CFAP410: variants seen among roughly 807,000 people sequenced by gnomAD.
CFAP410 encodes cilia and flagella associated protein 410.
Under a neutral mutation model 25.7 loss-of-function variants are expected in CFAP410, and 27 were observed. The observed-to-expected ratio is 1.05, with a 90% CI of 0.77 to 1.45. CFAP410 has a LOEUF of 1.45. Among genes scored for constraint, CFAP410 ranks in the 40% most tolerant of loss-of-function variants. The pLI is 0.00. For missense variants in CFAP410, 428 were observed against 354.1 expected, an observed-to-expected ratio of 1.21 and a Z score of -1.67; for synonymous variants, 178 against 158.4, an observed-to-expected ratio of 1.12 and a Z score of -0.93.
At chr21:44,338,310 C>T in intron 1 of CFAP410, 3 of 1,289,378 alleles carry the variant, frequency 2.3e-6, no homozygotes, top group Non-Finnish European at 3.0e-6. Context: ...ACGGTGAGGC[C>T]AGTTGACACG....
rs1459081038 is a variant in CFAP410, at chr21:44,333,050, T to C, written c.356A>G (p.Gln119Arg). The stretch of plus-strand genomic sequence containing the variant: ...CCACCTACCCTGGTTGTCCAGCTTC[T>C]GTAGGCGCGGCAGGGTGCGCAGCAC... The part of the protein sequence containing the change: ...MTVLRTLPRL[Q>R]KLDNQAVTEE... Residue 119 changes from glutamine to arginine, a missense_variant, in exon 4 of 7, where the codon CAG (glutamine) becomes CGG (arginine). Physicochemically the swap from Gln to Arg is conservative, Grantham distance 43 (BLOSUM62 1). Transcript: ENST00000339818. 1 of 1,594,940 alleles carries C rather than the reference T, an allele frequency of 6.3e-7. No homozygotes were observed.
chr21:44,337,591 G>A, intron 2 of CFAP410, 58 bp downstream of exon 2: 1 of 1,496,338 alleles, frequency 6.7e-7, no homozygotes, highest in Non-Finnish European at 9.2e-7. Flanking sequence ...ACAACATTTG[G>A]GTTGAGGCTA....
At chr21:44,337,198 C>T (rs918947677) in intron 2 of CFAP410, among the ~76,000 whole-genome samples, 1 of 152,072 alleles carries the variant, frequency 6.6e-6, no homozygotes, top group Non-Finnish European at 1.5e-5. Context: ...CACAGACGCA[C>T]ACACTCAAGT....
At chr21:44,338,252 AC>A in intron 1 of CFAP410, 1 of 1,262,692 alleles carries the variant, frequency 7.9e-7, no homozygotes, top group Non-Finnish European at 1.0e-6. Context: ...GTCTGCGGAC[AC>A]CCCTGGGAGG....
In CFAP410 at chr21:44,339,117, C is replaced by G. The variant is rs745732992; in HGVS notation, c.77+1G>C. The G allele has an allele frequency of 1.4e-6, 2 of 1,454,834 alleles. No individual in the cohort carries two copies. The highest frequency in any genetic ancestry group is 2.7e-5 in the South Asian group (2 of 73,812). 90.1% of individuals were successfully genotyped at this position (1,454,834 alleles called of 1,614,324 possible). On this transcript the variant is annotated splice_donor_variant, in intron 1 of 6. Transcript: ENST00000339818. LOFTEE classifies it high-confidence loss of function. The stretch of plus-strand genomic sequence containing the variant: ...GCGGCCGCGGCCAGGCCCCGCCTCA[C>G]CAGCAGTTGAGCTTGCGCACGCTGT...
chr21:44,333,859 C>T (rs1424217145), intron 3 of CFAP410: 2 of 354,090 alleles, frequency 5.6e-6, no homozygotes, highest in Non-Finnish European at 5.6e-6. Context: ...CACGCGGAGC[C>T]GCTCCCGCAG....
At chr21:44,334,069 A>G (rs1296581234) in intron 3 of CFAP410, 1 of 455,478 alleles carries the variant, frequency 2.2e-6, no homozygotes, top group South Asian at 1.5e-5. Flanking sequence ...ACCAAGAGCA[A>G]AACTCCGGCT....
chr21:44,333,059 G>T lies in CFAP410; in HGVS notation c.347C>A (p.Pro116Gln). Residue 116 changes from proline (P) to glutamine (Q), a missense_variant, in exon 4 of 7, where the codon CCG becomes CAG. Coordinates refer to ENST00000339818, the MANE Select transcript of CFAP410 (RefSeq NM_004928.3). ...RYRMTVLRTLPRLQKLDNQAV... is the reference protein window; with the variant it reads ...RYRMTVLRTLQRLQKLDNQAV... The stretch of plus-strand genomic sequence containing the variant: ...CTGGTTGTCCAGCTTCTGTAGGCGC[G>T]GCAGGGTGCGCAGCACGGTCATGCG... 6.3e-7 allele frequency: 1 copy of T among 1,599,646 alleles called. No individual in the cohort carries two copies. Among genetic ancestry groups the T allele is most frequent in the Non-Finnish European group, 8.5e-7 (1 of 1,170,748 alleles).
In CFAP410 at chr21:44,339,128, G is replaced by C; in HGVS notation, c.67C>G (p.Leu23Val). ...CAGGCCCCGCCTCACCAGCAGTTGA[G>C]CTTGCGCACGCTGTGCAGCTCCGAG... ...KASELHSVRK[L>V]NCWGSRLTDI... Residue 23 changes from leucine to valine, a missense_variant, in exon 1 of 7, where the codon CTC becomes GTC. By Grantham distance (32) the Leu-to-Val change is conservative. Transcript: ENST00000339818. 1 of 1,457,532 alleles carries C rather than the reference G, an allele frequency of 6.9e-7. No homozygotes were observed. The highest frequency in any genetic ancestry group is 9.1e-7 in the Non-Finnish European group (1 of 1,099,334). The allele number at this position is 1,457,532 out of a possible 1,614,324, so 90.3% of individuals were successfully genotyped here.
intron 6 of CFAP410, chr21:44,330,600 G>A (rs921549893): frequency 9.7e-6 from 15 of 1,549,592 alleles, no homozygotes; most frequent in Admixed American, 7.9e-5. Flanking sequence ...AGGAGAGGCT[G>A]AGGGGCCAGG....
In CFAP410 at chr21:44,330,855, C is replaced by T; in HGVS notation, c.610G>A (p.Ala204Thr). The T allele has an allele frequency of 6.2e-7, 1 of 1,606,442 alleles. No homozygotes were observed. The highest frequency in any genetic ancestry group is 8.5e-7 in the Non-Finnish European group (1 of 1,176,548). The change falls in exon 6 of 7, where the codon GCC becomes ACC. Residue 204 changes from alanine (A) to threonine (T), a missense_variant. Physicochemically the swap from Ala to Thr is moderately conservative, Grantham distance 58. Coordinates refer to ENST00000339818, the MANE Select transcript of CFAP410 (RefSeq NM_004928.3). ...CTGTGGCTGCTCGAGGCATCCCTGG[C>T]TGAGAGGGAAGGAAACTGGCCCCGG... ...PSRGQFPSLS[A>T]RDASSSHRGR... is the part of the protein sequence containing the mutation.
Position 44,335,805 on chromosome 21 carries a change from C to T in CFAP410, c.97-1G>A. 1 of 1,586,934 alleles carries T rather than the reference C, an allele frequency of 6.3e-7. No homozygotes were observed. The stretch of plus-strand genomic sequence containing the variant: ...TGGGCATCTCCTGGCAAATGGAGAT[C>T]TAGGAGGAAAAGAACATGACTAGCA... On this transcript the variant is annotated splice_acceptor_variant, in intron 2 of 6. Transcript: ENST00000339818. LOFTEE classifies it high-confidence loss of function.
In CFAP410 at chr21:44,331,106, A is replaced by C. The variant is rs538229905; in HGVS notation, c.546-187T>G. ...GGGCTACAGATGGCAGCTCCTGGAG[A>C]GCCCGGCACTTACTTCACCTGTGGG... On this transcript the variant is annotated intron_variant, in intron 5 of 6. Coordinates refer to ENST00000339818, the MANE Select transcript of CFAP410 (RefSeq NM_004928.3). The C allele has an allele frequency of 1.8e-4, 108 of 613,732 alleles. No individual in the cohort carries two copies. The South Asian group carries it at 2.2e-3, about 12-fold the overall frequency. 38.0% of individuals were successfully genotyped at this position (613,732 alleles called of 1,614,324 possible).
At chr21:44,333,655 T>C (rs1047740504) in intron 3 of CFAP410, 4 of 307,280 alleles carry the variant, frequency 1.3e-5, no homozygotes, top group Non-Finnish European at 1.8e-5. Flanking sequence ...TGGCAAAAAC[T>C]AGGAGCCAGC....
intron 4 of CFAP410, 87 bp downstream of exon 4, chr21:44,332,945 CA>C: frequency 1.1e-6 from 1 of 886,106 alleles, no homozygotes; most frequent in South Asian, 1.6e-5. Context: ...CAGGTATTTG[CA>C]GAAAAGGAGA....
chr21:44,333,413 C>T (rs1568988456), intron 3 of CFAP410, 151 bp from the exon 4 acceptor site: 9 of 654,242 alleles, frequency 1.4e-5, no homozygotes, highest in Middle Eastern at 4.1e-4. Context: ...TCACGTGCAG[C>T]AGGACCTGGG....
rs768720660 is a variant in CFAP410, at chr21:44,330,939, G to A, written c.546-20C>T. ...CCGCTGCTGAGAGGGAGACAAAGGC[G>A]TGTGAGGGTCAGGGGGCTCGTGGCA... On this transcript the variant is annotated intron_variant, in intron 5 of 6. Coordinates refer to ENST00000339818, the MANE Select transcript of CFAP410 (RefSeq NM_004928.3). The A allele has an allele frequency of 2.4e-5, 37 of 1,563,174 alleles. No homozygotes were observed. The highest frequency in any genetic ancestry group is 8.1e-5 in the African/African-American group (6 of 74,034).
At position 44,339,148 on chromosome 21, in the gene CFAP410, T is replaced by G; in HGVS notation, c.47A>C (p.Glu16Ala). 1.4e-6 allele frequency: 2 copies of G among 1,472,290 alleles called. No homozygotes were observed. The highest frequency in any genetic ancestry group is 1.8e-6 in the Non-Finnish European group (2 of 1,108,434). The allele number at this position is 1,472,290 out of a possible 1,614,324, so 91.2% of individuals were successfully genotyped here. A position where few individuals can be genotyped will look rare whatever the true frequency, so the allele number is the denominator to read the frequency against. The change falls in exon 1 of 7, where the codon GAG (glutamate) becomes GCG (alanine). Residue 16 changes from glutamate to alanine, a missense_variant. Physicochemically the swap from Glu to Ala is moderately radical, Grantham distance 107. Transcript: ENST00000339818. ...KMVLTRAKAS[E>A]LHSVRKLNCW... ...GTTGAGCTTGCGCACGCTGTGCAGC[T>G]CCGAGGCCTTGGCCCGGGTCAGAAC...
chr21:44,330,071 G>A lies in CFAP410; in HGVS notation c.*127C>T. On this transcript the variant is annotated 3_prime_UTR_variant, in exon 7 of 7. Transcript: ENST00000339818. Reference sequence around the variant, plus strand: ...ACACCCACTCCTGCCCTCGGCCGATGTGGCAAACCGGGGAGGCTTTTGTGT... The same window carrying A: ...ACACCCACTCCTGCCCTCGGCCGATATGGCAAACCGGGGAGGCTTTTGTGT... 4 of 1,135,820 alleles carry A rather than the reference G, an allele frequency of 3.5e-6. No homozygotes were observed. The highest frequency in any genetic ancestry group is 3.7e-6 in the Non-Finnish European group (3 of 809,196). The allele number at this position is 1,135,820 out of a possible 1,614,324, so 70.4% of individuals were successfully genotyped here. A position where few individuals can be genotyped will look rare whatever the true frequency, so the allele number is the denominator to read the frequency against.
Sources: allele counts gnomAD v4.1 joint callset (sites outside exome capture counted in the v4.1 genomes callset), GRCh38; gene constraint gnomAD v4.1.1; transcripts MANE v1.5; gene names NCBI Gene and HGNC (gene_info 2026-07-23, HGNC 2026-07-21).